The following PRKD1 variants were observed in gnomAD, a reference collection of about 807,000 sequenced individuals.
PRKD1 encodes serine/threonine-protein kinase D1.
PRKD1 carries 63 observed loss-of-function variants against 95.9 expected under a neutral mutation model. The observed-to-expected ratio is 0.66, with a 90% confidence interval of 0.54 to 0.81. The LOEUF (loss-of-function observed/expected upper bound fraction) is 0.81, where lower values mean the gene tolerates loss of function less well. Among genes scored for constraint, PRKD1 ranks in the 30% least tolerant of loss-of-function variants. The probability of loss-of-function intolerance (pLI) is 0.00; values close to 1 mark genes in which losing one functional copy is unlikely to be tolerated. For synonymous variants in PRKD1, 425 were observed against 423.1 expected (o/e 1.00, Z -0.05); for missense variants, 1,048 against 1,165.3 (o/e 0.90, Z 1.47).
intron 1 of PRKD1, among the ~76,000 whole-genome samples, chr14:29,857,172 T>C (rs1395278465): frequency 6.6e-6 from 1 of 152,160 alleles, no homozygotes; most frequent in Admixed American, 6.6e-5. Context: ...CTAGCATACT[T>C]AGGCAGTCAG....
At chr14:29,647,358 A>G (rs1281487170) in intron 4 of PRKD1, among the ~76,000 whole-genome samples, 1 of 152,240 alleles carries the variant, frequency 6.6e-6, no homozygotes, top group Non-Finnish European at 1.5e-5. Flanking sequence ...CATTGCAGGG[A>G]AAGCACCAGA....
intron 1 of PRKD1, among the ~76,000 whole-genome samples, chr14:29,748,591 CAT>C (rs1206030384): frequency 6.6e-6 from 1 of 152,200 alleles, no homozygotes; most frequent in African/African-American, 2.4e-5. Flanking sequence ...CTCTTCTGTG[CAT>C]ATGTTTACTT....
chr14:29,854,228 A>G (rs549842006), intron 1 of PRKD1, among the ~76,000 whole-genome samples: 14 of 152,308 alleles, frequency 9.2e-5, no homozygotes, highest in Admixed American at 8.5e-4. Flanking sequence ...CAGAGACAGG[A>G]AAATGTGGGA....
At chr14:29,638,048 G>C (rs571401927) in intron 6 of PRKD1, among the ~76,000 whole-genome samples, 1 of 152,196 alleles carries the variant, frequency 6.6e-6, no homozygotes, top group East Asian at 1.9e-4. Context: ...TTTTCTTGAA[G>C]GAATATTGCC....
rs1348408695 is a variant in PRKD1, at chr14:29,626,484, C to A, written c.1798G>T (p.Gly600Ter). Residue 600 changes from glycine to a stop codon, truncating the protein, a stop_gained and splice_region_variant, in exon 12 of 18, where the codon GGA becomes TGA. Coordinates refer to ENST00000331968, the MANE Select transcript of PRKD1 (RefSeq NM_002742.3). LOFTEE classifies it high-confidence loss of function. ...GSGQFGIVYG[G>*]KHRKTGRDVA... ...AAAAATACTCAGTGAGATAACCTAC[C>A]TCCATAAACAATTCCAAACTGTCCA... is the stretch of plus-strand genomic sequence containing the variant. 1 of 1,608,054 alleles carries A rather than the reference C, an allele frequency of 6.2e-7. No homozygotes were observed. The highest frequency in any genetic ancestry group is 8.5e-7 in the Non-Finnish European group (1 of 1,176,960).
At chr14:29,894,955 AAC>A (rs1894069526) in intron 1 of PRKD1, among the ~76,000 whole-genome samples, 1 of 152,226 alleles carries the variant, frequency 6.6e-6, no homozygotes, top group African/African-American at 2.4e-5. Context: ...ACGTTTAAAT[AAC>A]AGTCTATATT....
intron 1 of PRKD1, among the ~76,000 whole-genome samples, chr14:29,826,399 T>C (rs1166953326): frequency 2.2e-4 from 20 of 91,234 alleles, no homozygotes; most frequent in Non-Finnish European, 3.5e-4. Context: ...TATATATACA[T>C]ATATATGATG....
chr14:29,776,021 AC>A (rs1020036564), intron 1 of PRKD1, among the ~76,000 whole-genome samples: 4 of 152,122 alleles, frequency 2.6e-5, no homozygotes, highest in African/African-American at 9.7e-5. Flanking sequence ...CGTTGGTGGT[AC>A]CCAGGCAAAC....
At chr14:29,584,148 C>A (rs926359644) in intron 16 of PRKD1, among the ~76,000 whole-genome samples, 15 of 152,114 alleles carry the variant, frequency 9.9e-5, no homozygotes. Context: ...AAGAAGCATT[C>A]CATCAGAATA....
At chr14:29,736,813 A>C (rs1203792808) in intron 1 of PRKD1, among the ~76,000 whole-genome samples, 2 of 152,146 alleles carry the variant, frequency 1.3e-5, no homozygotes, top group African/African-American at 4.8e-5. Context: ...TTTCACTATA[A>C]ATTCATGGTT....
intron 1 of PRKD1, among the ~76,000 whole-genome samples, chr14:29,894,390 A>C (rs1894046598): frequency 6.6e-6 from 1 of 152,228 alleles, no homozygotes; most frequent in Non-Finnish European, 1.5e-5. Context: ...TACCATCCTC[A>C]GTTGGAAGCC....
chr14:29,835,522 G>A (rs1273029086), intron 1 of PRKD1, among the ~76,000 whole-genome samples: 1 of 151,986 alleles, frequency 6.6e-6, no homozygotes, highest in African/African-American at 2.4e-5. Context: ...GTTGAAATCT[G>A]GTCACCTCCA....
intron 4 of PRKD1, among the ~76,000 whole-genome samples, chr14:29,658,910 A>C (rs1326456031): frequency 6.6e-6 from 1 of 152,220 alleles, no homozygotes; most frequent in Non-Finnish European, 1.5e-5. Context: ...TTATGACATA[A>C]CATTTCATTC....
chr14:29,612,763 T>C (rs1244111095), intron 13 of PRKD1, among the ~76,000 whole-genome samples: 1 of 152,190 alleles, frequency 6.6e-6, no homozygotes, highest in Non-Finnish European at 1.5e-5. Context: ...ACGATTTCCT[T>C]AGAGCTCCAA....
chr14:29,918,907 A>G (rs1894985649), intron 1 of PRKD1, among the ~76,000 whole-genome samples: 1 of 152,188 alleles, frequency 6.6e-6, no homozygotes, highest in South Asian at 2.1e-4. Context: ...TATCAACAAC[A>G]CCATATATTA....
rs1895346218 is a variant in PRKD1 at position 29,927,413 on chromosome 14, C to G, written c.100G>C (p.Gly34Arg). Residue 34 changes from glycine (G) to arginine (R), a missense_variant, in exon 1 of 18, where the codon GGG (glycine) becomes CGG (arginine). By Grantham distance (125) the Gly-to-Arg change is moderately radical (BLOSUM62 -2). This residue lies in a region of PRKD1 where 34 missense variants were observed against 54.8 expected (regional missense o/e 0.62). Coordinates refer to ENST00000331968, the MANE Select transcript of PRKD1 (RefSeq NM_002742.3). ...AAALVPGSGP[G>R]PAPFLAPVAA... is the part of the protein sequence containing the mutation. ...ACAGGAGCCAAGAACGGCGCGGGCC[C>G]GGGCCCGGACCCTGGGACCAGTGCG... 2.7e-6 allele frequency: 4 copies of G among 1,484,912 alleles called. No homozygotes were observed. The highest frequency in any genetic ancestry group is 3.6e-6 in the Non-Finnish European group (4 of 1,118,190). The allele number at this position is 1,484,912 out of a possible 1,614,324, so 92.0% of individuals were successfully genotyped here. A position where few individuals can be genotyped will look rare whatever the true frequency, so the allele number is the denominator to read the frequency against.
intron 1 of PRKD1, among the ~76,000 whole-genome samples, chr14:29,745,619 C>A (rs931297816): frequency 2.6e-5 from 4 of 152,068 alleles, no homozygotes; most frequent in African/African-American, 9.7e-5. Context: ...CAGGCACATG[C>A]CGCCATGCCC....
intron 1 of PRKD1, among the ~76,000 whole-genome samples, chr14:29,771,131 A>G (rs1888489065): frequency 6.6e-6 from 1 of 152,174 alleles, no homozygotes; most frequent in Non-Finnish European, 1.5e-5. Flanking sequence ...CAGCCTTGCC[A>G]CATTTTAAAG....
intron 1 of PRKD1, among the ~76,000 whole-genome samples, chr14:29,870,044 CTTA>C (rs1239846123): frequency 2.6e-5 from 4 of 152,120 alleles, no homozygotes; most frequent in African/African-American, 9.7e-5. Context: ...CTGATTTTCA[CTTA>C]TTATTATTAC....
Sources: gnomAD v4.1 joint callset for allele counts (sites outside exome capture counted in the v4.1 genomes callset) on GRCh38, gnomAD v4.1.1 for gene constraint, gnomAD v4.1.1 regional missense constraint, MANE v1.5 for transcripts, NCBI Gene and HGNC (gene_info 2026-07-23, HGNC 2026-07-21) for gene names.